Variants in CPEB4 observed in about 807,000 individuals in gnomAD.
CPEB4 encodes cytoplasmic polyadenylation element binding protein 4, also known as cytoplasmic polyadenylation element-binding protein 4.
Under a neutral mutation model 72.5 loss-of-function variants are expected in CPEB4, and 12 were observed. That is an observed-to-expected ratio of 0.17 (90% CI 0.11 to 0.27). The LOEUF is 0.27. CPEB4 is among the 10% of genes least tolerant of loss of function. The pLI is 1.00. For missense variants in CPEB4, 614 were observed against 908.5 expected (o/e 0.68, Z 4.17); for synonymous variants, 302 against 326.3 (o/e 0.93, Z 0.80).
chr5:173,949,007 T>C (rs755885660), intron 5 of CPEB4, among the ~76,000 whole-genome samples: 9 of 152,138 alleles, frequency 5.9e-5, no homozygotes, highest in Non-Finnish European at 1.2e-4. Context: ...AGAATGAATA[T>C]GAAAGACAAG....
At chr5:173,901,884 A>G (rs879403314) in intron 1 of CPEB4, among the ~76,000 whole-genome samples, 1 of 152,218 alleles carries the variant, frequency 6.6e-6, no homozygotes, top group Admixed American at 6.5e-5. Flanking sequence ...AGTGAAGCTC[A>G]TGGCGCATGG....
At position 173,939,988 on chromosome 5, in the gene CPEB4, T is replaced by C. The variant is rs1464535413; in HGVS notation, c.1259-3038T>C. 6.9e-5 allele frequency among the ~76,000 whole-genome samples: 10 copies of C among 144,190 alleles called. No individual in the cohort carries two copies. The East Asian group carries it at 2.0e-3, about 29-fold the overall frequency. 94.6% of individuals were successfully genotyped at this position (144,190 alleles called of 152,430 possible). A position where few individuals can be genotyped will look rare whatever the true frequency, so the allele number is the denominator to read the frequency against. On this transcript the variant is annotated intron_variant, in intron 3 of 9. Coordinates refer to ENST00000265085, the MANE Select transcript of CPEB4 (RefSeq NM_030627.4). ...AAAAAAAAAAAGCTGGATGTGGTGG[T>C]GTATAGTCCCAGCGAGACTGAGGCA...
rs545104220 is a variant in CPEB4, at chr5:173,958,519, C to T, written c.*2382C>T. The T allele has an allele frequency of 7.9e-4, 120 of 152,448 alleles. No individual in the cohort carries two copies. The highest frequency in any genetic ancestry group is 2.6e-3 in the African/African-American group (108 of 41,464). The allele number at this position is 152,448 out of a possible 1,614,324, so 9.4% of individuals were successfully genotyped here. ...TGCATACATTTTAAATTATGAATGT[C>T]GTGCACTGGCAATGCTATTTTAGAG... On this transcript the variant is annotated 3_prime_UTR_variant, in exon 10 of 10. Transcript: ENST00000265085.
chr5:173,890,868 T>C lies in CPEB4; in HGVS notation c.1125+10T>C. ...CATTTTTCCTTTTCCGGTAAGATTA[T>C]GTTCCATTAATAGATTAGGATGAAT... is the stretch of plus-strand genomic sequence containing the variant. On this transcript the variant is annotated intron_variant, in intron 1 of 9. Coordinates refer to ENST00000265085, the MANE Select transcript of CPEB4 (RefSeq NM_030627.4). 1 of 1,596,682 alleles carries C rather than the reference T, an allele frequency of 6.3e-7. No homozygotes were observed. Among genetic ancestry groups the C allele is most frequent in the Non-Finnish European group, 8.5e-7 (1 of 1,171,222 alleles).
At chr5:173,946,225 T>A (rs1230896787) in intron 5 of CPEB4, among the ~76,000 whole-genome samples, 1 of 152,198 alleles carries the variant, frequency 6.6e-6, no homozygotes, top group Admixed American at 6.5e-5. Context: ...ATAAAATGTC[T>A]TGGTGGAAGC....
intron 2 of CPEB4, among the ~76,000 whole-genome samples, chr5:173,915,709 G>A (rs1756843965): frequency 6.6e-6 from 1 of 152,186 alleles, no homozygotes; most frequent in South Asian, 2.1e-4. Flanking sequence ...TAGATGCCTA[G>A]ATGATTATTT....
intron 5 of CPEB4, among the ~76,000 whole-genome samples, chr5:173,948,162 TACTA>T (rs1039465581): frequency 6.6e-6 from 1 of 152,190 alleles, no homozygotes. Flanking sequence ...TACTGCACAA[TACTA>T]ACTAATATAT....
At chr5:173,911,387 C>T (rs1352271793) in intron 2 of CPEB4, among the ~76,000 whole-genome samples, 1 of 152,002 alleles carries the variant, frequency 6.6e-6, no homozygotes, top group Non-Finnish European at 1.5e-5. Context: ...CTCAGCCTCC[C>T]GAGTAGCTGG....
In CPEB4 at chr5:173,957,969, C is replaced by A. The variant is rs535200610; in HGVS notation, c.*1832C>A. 6.5e-6 allele frequency: 1 copy of A among 152,740 alleles called. No homozygotes were observed. The highest frequency in any genetic ancestry group is 1.5e-5 in the Non-Finnish European group (1 of 68,028). The allele number at this position is 152,740 out of a possible 1,614,324, so 9.5% of individuals were successfully genotyped here. ...CCTGCAAATACTGAAAGCAGTCATG[C>A]GAATGGAGGGTGCTCTTGTGTAGCT... is the stretch of plus-strand genomic sequence containing the variant. On this transcript the variant is annotated 3_prime_UTR_variant, in exon 10 of 10. Coordinates refer to ENST00000265085, the MANE Select transcript of CPEB4 (RefSeq NM_030627.4).
At chr5:173,944,568 G>A (rs1757952794) in intron 4 of CPEB4, among the ~76,000 whole-genome samples, 1 of 151,858 alleles carries the variant, frequency 6.6e-6, no homozygotes, top group Non-Finnish European at 1.5e-5. Flanking sequence ...TTAAAGAAAT[G>A]TAAGTGATTC....
intron 9 of CPEB4, among the ~76,000 whole-genome samples, chr5:173,954,960 A>T (rs990770731): frequency 2.0e-5 from 3 of 150,912 alleles, no homozygotes; most frequent in African/African-American, 7.3e-5. Context: ...TTTTAGAGGG[A>T]GGGTCTCACT....
intron 3 of CPEB4, among the ~76,000 whole-genome samples, chr5:173,940,833 C>T (rs768814773): frequency 1.2e-4 from 18 of 152,224 alleles, no homozygotes; most frequent in Non-Finnish European, 2.4e-4. Flanking sequence ...CACTTATAAC[C>T]TATTTTCCCT....
At chr5:173,925,299 CTG>C (rs1490316595) in intron 2 of CPEB4, among the ~76,000 whole-genome samples, 2 of 152,078 alleles carry the variant, frequency 1.3e-5, no homozygotes, top group Non-Finnish European at 2.9e-5. Flanking sequence ...AGCCTAAACT[CTG>C]TGTGTTTAGT....
chr5:173,941,656 T>G (rs1234794572), intron 3 of CPEB4, among the ~76,000 whole-genome samples: 1 of 152,012 alleles, frequency 6.6e-6, no homozygotes, highest in Non-Finnish European at 1.5e-5. Flanking sequence ...GCAGATCACT[T>G]GAGATCAGGA....
At chr5:173,952,079 T>C (rs1168030319) in intron 8 of CPEB4, 141 bp downstream of exon 8, 2 of 637,060 alleles carry the variant, frequency 3.1e-6, no homozygotes, top group Admixed American at 4.9e-5. Flanking sequence ...TGAATTCATG[T>C]GTTCTAATAG....
chr5:173,941,931 A>G (rs1757860608), intron 3 of CPEB4, among the ~76,000 whole-genome samples: 1 of 152,182 alleles, frequency 6.6e-6, no homozygotes, highest in South Asian at 2.1e-4. Flanking sequence ...CCAAGTCCCC[A>G]CTTGTTCTAC....
In CPEB4 at chr5:173,910,576, A is replaced by G; in HGVS notation, c.1179A>G (p.Ile393Met). The G allele has an allele frequency of 6.2e-7, 1 of 1,612,350 alleles. No homozygotes were observed. Among genetic ancestry groups the G allele is most frequent in the Non-Finnish European group, 8.5e-7 (1 of 1,178,418 alleles). Residue 393 changes from isoleucine (I) to methionine (M), a missense_variant, in exon 2 of 10, where the codon ATA becomes ATG. Physicochemically the swap from Ile to Met is conservative, Grantham distance 10. Coordinates refer to ENST00000265085, the MANE Select transcript of CPEB4 (RefSeq NM_030627.4). ...CACTGGAGAGTTCACTCATTGACAT[A>G]ATGAGAGCTGAAAATGATACCATTA... Reference protein sequence around the residue: ...MHSLESSLIDIMRAENDTIKG... With the variant: ...MHSLESSLIDMMRAENDTIKG...
intron 2 of CPEB4, among the ~76,000 whole-genome samples, chr5:173,920,386 T>C (rs973639460): frequency 2.0e-5 from 3 of 152,222 alleles, no homozygotes; most frequent in African/African-American, 7.2e-5. Context: ...CCCTGATTAA[T>C]TGAAATATAA....
In CPEB4 at chr5:173,890,708, A is replaced by G; in HGVS notation, c.975A>G (p.Ile325Met). The part of the protein sequence containing the change: ...RDHRRGLNGG[I>M]TPLNSISPLK... ...ACCGCAGAGGGCTGAATGGTGGAAT[A>G]ACGCCCCTGAACTCCATCTCGCCTT... The change falls in exon 1 of 10, where the codon ATA (isoleucine) becomes ATG (methionine). Residue 325 changes from isoleucine to methionine, a missense_variant. Ile to Met is a conservative substitution (Grantham distance 10). Coordinates refer to ENST00000265085, the MANE Select transcript of CPEB4 (RefSeq NM_030627.4). 6.2e-7 allele frequency: 1 copy of G among 1,614,192 alleles called. No homozygotes were observed. Among genetic ancestry groups the G allele is most frequent in the Non-Finnish European group, 8.5e-7 (1 of 1,180,036 alleles).
Sources: gnomAD v4.1 joint callset for allele counts (sites outside exome capture counted in the v4.1 genomes callset) on GRCh38, gnomAD v4.1.1 for gene constraint, MANE v1.5 for transcripts, NCBI Gene and HGNC (gene_info 2026-07-23, HGNC 2026-07-21) for gene names.